Variants in PIDD1 observed in about 807,000 individuals in gnomAD.
PIDD1 encodes the protein p53-induced death domain protein 1, also known as p53-induced death domain-containing protein 1.
Under a neutral mutation model 80.0 loss-of-function variants are expected in PIDD1, and 72 were observed. The observed-to-expected ratio is 0.90, with a 90% confidence interval of 0.74 to 1.09. The LOEUF (loss-of-function observed/expected upper bound fraction) is 1.09. Among genes scored for constraint, PIDD1 ranks in the 50% least tolerant of loss-of-function variants. The probability of loss-of-function intolerance (pLI) is 0.00; values close to 1 mark genes in which losing one functional copy is unlikely to be tolerated. For synonymous variants in PIDD1, 655 were observed against 543.5 expected, an observed-to-expected ratio of 1.21 and a Z score of -2.85; for missense variants, 1,329 against 1,228.3, an observed-to-expected ratio of 1.08 and a Z score of -1.23.
In PIDD1 at chr11:801,503, C is replaced by T. The variant is rs754833318; in HGVS notation, c.1424G>A (p.Gly475Glu). The change falls in exon 8 of 16, where the codon GGG (glycine) becomes GAG (glutamate). Residue 475 changes from glycine (G) to glutamate (E), a missense_variant. Gly to Glu is a moderately conservative substitution (Grantham distance 98). Coordinates refer to ENST00000347755, the MANE Select transcript of PIDD1 (RefSeq NM_145886.4). ...CCCAGGGGGGAAGATGACTTTGACC[C>T]CAGGATGACCCGAGGAGCACAGCAG... ...GTLLCSSGHP[G>E]VKVIFPPGAT... The T allele has an allele frequency of 6.4e-6, 10 of 1,550,446 alleles. No homozygotes were observed. In the South Asian group the frequency reaches 7.2e-5, roughly 11 times the overall value.
upstream of PIDD1, among the ~76,000 whole-genome samples, chr11:806,783 C>CGG (rs766525580): frequency 0.046 from 6,965 of 152,188 alleles, 247 homozygotes; most frequent in Admixed American, 0.11. Context: ...CGGGGTTTCA[C>CGG]CGTGTTACCT....
rs778644284 is a variant in PIDD1 at position 804,142 on chromosome 11, C to G, written c.247G>C (p.Ala83Pro). Residue 83 changes from alanine to proline, a missense_variant, in exon 2 of 16, where the codon GCC becomes CCC. Ala to Pro is a conservative substitution (Grantham distance 27, BLOSUM62 -1). Transcript: ENST00000347755. ...CAGGACAGGCTCTGAGGCAGCTGGG[C>G]CAGGGTGGCCTCCAGCAGCTGAGGG... is the stretch of plus-strand genomic sequence containing the variant. Reference protein sequence around the residue: ...EDPQLLEATLAQLPQSLSCLR... With the variant: ...EDPQLLEATLPQLPQSLSCLR... The G allele has an allele frequency of 1.7e-5, 27 of 1,613,036 alleles. No homozygotes were observed. Among genetic ancestry groups the G allele is most frequent in the Non-Finnish European group, 2.1e-5 (25 of 1,179,756 alleles).
In PIDD1 at chr11:801,212, T is replaced by A; in HGVS notation, c.1630+6A>T. On this transcript the variant is annotated splice_donor_region_variant and intron_variant, in intron 9 of 15. Coordinates refer to ENST00000347755, the MANE Select transcript of PIDD1 (RefSeq NM_145886.4). ...GGTCCAGGTATGCCCCATGGCTGCC[T>A]CTCACCTGTGATGCCAGAGGGCAGA... is the stretch of plus-strand genomic sequence containing the variant. 6.5e-7 allele frequency: 1 copy of A among 1,547,700 alleles called. No individual in the cohort carries two copies. The highest frequency in any genetic ancestry group is 8.7e-7 in the Non-Finnish European group (1 of 1,144,142).
At chr11:803,948 G>A (rs1372430695) in intron 2 of PIDD1, 146 bp downstream of exon 2, 1 of 903,298 alleles carries the variant, frequency 1.1e-6, no homozygotes, top group East Asian at 2.7e-5. Context: ...GGCTGGACAG[G>A]ACCAAGAGCA....
chr11:800,505 C>A (rs764142350), intron 12 of PIDD1, 38 bp downstream of exon 12: 1 of 1,609,456 alleles, frequency 6.2e-7, no homozygotes, highest in Non-Finnish European at 8.5e-7. Flanking sequence ...CGGTAAGGCT[C>A]CCCCTCCAGG....
chr11:801,322 TC>T lies in PIDD1; in HGVS notation c.1525del (p.Glu509AsnfsTer6). ...CAGGGGGCTCACTGCAGCCTCTGGT[TC>T]TCCCAGGAGGGCCTGCAGCTCTCGG... ...AGRELQALLGEPEAAVSPLLC... is the reference protein window; with the variant it reads ...AGRELQALLGXPEAAVSPLLC... On this transcript the variant is annotated frameshift_variant, in exon 9 of 16. Coordinates refer to ENST00000347755, the MANE Select transcript of PIDD1 (RefSeq NM_145886.4). LOFTEE classifies it high-confidence loss of function. 1 of 1,607,218 alleles carries T rather than the reference TC, an allele frequency of 6.2e-7. No homozygotes were observed. The highest frequency in any genetic ancestry group is 8.5e-7 in the Non-Finnish European group (1 of 1,176,842).
rs774798086 is a variant in PIDD1, at chr11:804,186, C to G, written c.203G>C (p.Arg68Pro). ...PLQLLQVEFL[R>P]LSTHEDPQLL... ...CTGAGGGTCCTCGTGAGTGCTCAGA[C>G]GCAAGAATTCCACCTGCAGCAGCTG... Residue 68 changes from arginine to proline, a missense_variant, in exon 2 of 16, where the codon CGT becomes CCT. Coordinates refer to ENST00000347755, the MANE Select transcript of PIDD1 (RefSeq NM_145886.4). The G allele has an allele frequency of 6.2e-7, 1 of 1,613,276 alleles. No individual in the cohort carries two copies. The highest frequency in any genetic ancestry group is 8.5e-7 in the Non-Finnish European group (1 of 1,179,912).
chr11:800,869 C>T lies in PIDD1; in HGVS notation c.1810G>A (p.Ala604Thr), dbSNP rs755592869. 25 of 1,583,572 alleles carry T rather than the reference C, an allele frequency of 1.6e-5. No individual in the cohort carries two copies. Among genetic ancestry groups the T allele is most frequent in the Non-Finnish European group, 1.5e-5 (18 of 1,165,540 alleles). The change falls in exon 11 of 16, where the codon GCT becomes ACT. Residue 604 changes from alanine to threonine, a missense_variant. By Grantham distance (58) the Ala-to-Thr change is moderately conservative (BLOSUM62 0). Transcript: ENST00000347755. ...YTTKNCVGGL[A>T]RKAWERLRLH... ...CGCAGCCGCTCCCAGGCCTTCCGAGCCAGGCCTCCCACACAGTTCTTGGTG... is the reference window on the plus strand; with the variant it reads ...CGCAGCCGCTCCCAGGCCTTCCGAGTCAGGCCTCCCACACAGTTCTTGGTG...
Position 802,806 on chromosome 11 carries a change from G to A in PIDD1, c.795C>T (p.Leu265=), listed in dbSNP as rs1448374787. 8 of 1,604,220 alleles carry A rather than the reference G, an allele frequency of 5.0e-6. No individual in the cohort carries two copies. Among genetic ancestry groups the A allele is most frequent in the African/African-American group, 2.7e-5 (2 of 74,940 alleles). The change falls in exon 4 of 16, where the codon CTC becomes CTT. Residue 265 remains leucine, a synonymous_variant. Coordinates refer to ENST00000347755, the MANE Select transcript of PIDD1 (RefSeq NM_145886.4). ...VPADLARLPL[L]TRLDLRDNQL... ...GGTTGTCCCTCAGGTCGAGCCGGGT[G>A]AGGAGTGGAAGGCGGGCCAAGTCAG...
Position 802,612 on chromosome 11 carries a change from G to A in PIDD1, c.920-15C>T. 1 of 1,612,246 alleles carries A rather than the reference G, an allele frequency of 6.2e-7. No individual in the cohort carries two copies. Among genetic ancestry groups the A allele is most frequent in the Non-Finnish European group, 8.5e-7 (1 of 1,179,216 alleles). On this transcript the variant is annotated splice_polypyrimidine_tract_variant and intron_variant, in intron 4 of 15. Coordinates refer to ENST00000347755, the MANE Select transcript of PIDD1 (RefSeq NM_145886.4). ...GAGGGCTGCCACTGTGCAGGGGACAGACATGTGCTCAGGACAGTGAGGAGA... is the reference window on the plus strand; with the variant it reads ...GAGGGCTGCCACTGTGCAGGGGACAAACATGTGCTCAGGACAGTGAGGAGA...
chr11:802,831 G>T lies in PIDD1; in HGVS notation c.770C>A (p.Ala257Asp). ...LHSNLLASVP[A>D]DLARLPLLTR... ...GAGGAGTGGAAGGCGGGCCAAGTCA[G>T]CTGGCACAGAGGCCAGGAGGTTGCT... Residue 257 changes from alanine to aspartate, a missense_variant, in exon 4 of 16, where the codon GCT becomes GAT. Transcript: ENST00000347755. The T allele has an allele frequency of 6.3e-7, 1 of 1,597,278 alleles. No homozygotes were observed. The highest frequency in any genetic ancestry group is 1.3e-5 in the African/African-American group (1 of 74,864).
chr11:803,064 A>G (rs1565065481), intron 3 of PIDD1, 110 bp downstream of exon 3: 6 of 986,952 alleles, frequency 6.1e-6, no homozygotes, highest in Non-Finnish European at 3.0e-6. Context: ...AGGGACAACC[A>G]AGAGGCAGCT....
Position 803,461 on chromosome 11 carries a change from G to A in PIDD1, c.422C>T (p.Pro141Leu), listed in dbSNP as rs543040399. The change falls in exon 3 of 16, where the codon CCG becomes CTG. Residue 141 changes from proline (P) to leucine (L), a missense_variant. Transcript: ENST00000347755. Reference sequence around the variant, plus strand: ...ACCTCGCATCTGCAGGACACAGGCCGGCAGTGTCTCCAGGCTGTTGAAGCT... The same window carrying A: ...ACCTCGCATCTGCAGGACACAGGCCAGCAGTGTCTCCAGGCTGTTGAAGCT... ...DLSFNSLETL[P>L]ACVLQMRGLG... is the part of the protein sequence containing the mutation. The A allele has an allele frequency of 2.0e-5, 33 of 1,613,840 alleles. No individual in the cohort carries two copies. The East Asian group carries it at 3.3e-4, about 16-fold the overall frequency.
intron 5 of PIDD1, 30 bp downstream of exon 5, chr11:802,513 C>T: frequency 1.2e-6 from 2 of 1,610,284 alleles, no homozygotes; most frequent in Non-Finnish European, 8.5e-7. Context: ...CAGACAGACT[C>T]CCCTCCAGCC....
At chr11:802,920 C>T (rs1414412747) in intron 3 of PIDD1, 29 bp from the exon 4 acceptor site, 4 of 1,538,744 alleles carry the variant, frequency 2.6e-6, no homozygotes, top group Non-Finnish European at 3.5e-6. Flanking sequence ...TTAGGCTTGG[C>T]ACCAGCCCAG....
rs765994901 is a variant in PIDD1 at position 799,955 on chromosome 11, A to G, written c.2334T>C (p.Asn778=). ...RGAGLSLAPL[N]LGDAETGFLT... ...GAAAGCCGGTCTCGGCATCTCCCAG[A>G]TTCAAGGGTGCCAAGGAGAGGCCAG... The change falls in exon 15 of 16, where the codon AAT becomes AAC. Residue 778 remains asparagine, a synonymous_variant. Transcript: ENST00000347755. 1.2e-6 allele frequency: 2 copies of G among 1,612,694 alleles called. No individual in the cohort carries two copies. The highest frequency in any genetic ancestry group is 1.3e-5 in the African/African-American group (1 of 74,922).
rs754359487 is a variant in PIDD1 at position 800,132 on chromosome 11, G to A, written c.2273C>T (p.Pro758Leu). ...LWMATLPIKL[P>L]RLRGSEGPRR... Reference sequence around the variant, plus strand: ...CCCTCTGCTGTCCCTCAGTCCCACCGGCAGCTTGATGGGCAGAGTGGCCAT... The same window carrying A: ...CCCTCTGCTGTCCCTCAGTCCCACCAGCAGCTTGATGGGCAGAGTGGCCAT... Residue 758 changes from proline to leucine, a missense_variant and splice_region_variant, in exon 14 of 16, where the codon CCG becomes CTG. Physicochemically the swap from Pro to Leu is moderately conservative, Grantham distance 98. Transcript: ENST00000347755. The A allele has an allele frequency of 2.5e-6, 4 of 1,609,552 alleles. No individual in the cohort carries two copies. The highest frequency in any genetic ancestry group is 3.4e-6 in the Non-Finnish European group (4 of 1,178,688).
In PIDD1 at chr11:800,356, C is replaced by T; in HGVS notation, c.2137G>A (p.Glu713Lys). The change falls in exon 13 of 16, where the codon GAG becomes AAG. Residue 713 changes from glutamate to lysine, a missense_variant. Transcript: ENST00000347755. Reference protein sequence around the residue: ...EVYVTTTLDREAQAVRGQVSF... With the variant: ...EVYVTTTLDRKAQAVRGQVSF... Reference sequence around the variant, plus strand: ...ACCTGGCCCCGCACAGCCTGAGCCTCCCGGTCCAGAGTGGTGGTCACGTAT... The same window carrying T: ...ACCTGGCCCCGCACAGCCTGAGCCTTCCGGTCCAGAGTGGTGGTCACGTAT... 6.2e-7 allele frequency: 1 copy of T among 1,612,372 alleles called. No homozygotes were observed. Among genetic ancestry groups the T allele is most frequent in the Non-Finnish European group, 8.5e-7 (1 of 1,179,786 alleles).
At chr11:808,815 G>A (rs935244092), upstream of PIDD1, among the ~76,000 whole-genome samples, 1 of 152,224 alleles carries the variant, frequency 6.6e-6, no homozygotes, top group Non-Finnish European at 1.5e-5. Flanking sequence ...TATAAAATGG[G>A]GGTAATGATA....
Sources: allele counts gnomAD v4.1 joint callset (sites outside exome capture counted in the v4.1 genomes callset), GRCh38; gene constraint gnomAD v4.1.1; transcripts MANE v1.5; gene names NCBI Gene and HGNC (gene_info 2026-07-23, HGNC 2026-07-21).